SDCCAG8: variants seen among roughly 807,000 people sequenced by gnomAD.
SDCCAG8 encodes SHH signaling and ciliogenesis regulator SDCCAG8, also known as serologically defined colon cancer antigen 8.
In SDCCAG8, 74 loss-of-function variants were observed where a neutral mutation model predicts 101.8. That is an observed-to-expected ratio of 0.73 (90% CI 0.60 to 0.88). The LOEUF (loss-of-function observed/expected upper bound fraction) is 0.88, where lower values mean the gene tolerates loss of function less well. SDCCAG8 is among the 40% of genes least tolerant of loss of function. The probability of loss-of-function intolerance (pLI) is 0.00; values close to 1 mark genes in which losing one functional copy is unlikely to be tolerated. For missense variants in SDCCAG8, 787 were observed against 822.6 expected, an observed-to-expected ratio of 0.96 and a Z score of 0.53; for synonymous variants, 281 against 292.9, an observed-to-expected ratio of 0.96 and a Z score of 0.41.
chr1:243,451,897 C>T (rs1464771544), intron 16 of SDCCAG8, among the ~76,000 whole-genome samples: 1 of 152,190 alleles, frequency 6.6e-6, no homozygotes, highest in Admixed American at 6.5e-5. Flanking sequence ...CCACTGCACT[C>T]CAGCCTGGGC....
rs560988725 is a variant in SDCCAG8 at position 243,398,474 on chromosome 1, T to G, written c.1617-17228T>G. ...GTTGATGACCTGTATTTTAAAGTCA[T>G]CTGCAAAATGTACTTTTTTCTCCCA... On this transcript the variant is annotated intron_variant, in intron 13 of 17. Coordinates refer to ENST00000366541, the MANE Select transcript of SDCCAG8 (RefSeq NM_006642.5). 2.3e-3 allele frequency among the ~76,000 whole-genome samples: 343 copies of G among 152,308 alleles called. 1 individual carries two copies. The highest frequency in any genetic ancestry group is 8.1e-3 in the African/African-American group (336 of 41,576).
chr1:243,354,601 A>G (rs2076282135), intron 12 of SDCCAG8, among the ~76,000 whole-genome samples: 1 of 152,226 alleles, frequency 6.6e-6, no homozygotes. Flanking sequence ...AGACCTGTGA[A>G]AGTAAATCTC....
intron 12 of SDCCAG8, among the ~76,000 whole-genome samples, chr1:243,349,963 C>T (rs2075991558): frequency 6.6e-6 from 1 of 151,764 alleles, no homozygotes; most frequent in Admixed American, 6.6e-5. Flanking sequence ...GGTATCTCTG[C>T]AAAAGAAATA....
chr1:243,430,719 T>A (rs2081686245), intron 16 of SDCCAG8, among the ~76,000 whole-genome samples: 1 of 152,008 alleles, frequency 6.6e-6, no homozygotes, highest in South Asian at 2.1e-4. Flanking sequence ...ATTACAGGCG[T>A]GAGCTACCGC....
At chr1:243,296,306 T>A (rs1173893363) in intron 6 of SDCCAG8, among the ~76,000 whole-genome samples, 1 of 152,150 alleles carries the variant, frequency 6.6e-6, no homozygotes, top group African/African-American at 2.4e-5. Flanking sequence ...AATAGTTTAT[T>A]CTTAGCAGAA....
chr1:243,373,671 A>G (rs2077432966), intron 12 of SDCCAG8, among the ~76,000 whole-genome samples: 1 of 152,064 alleles, frequency 6.6e-6, no homozygotes, highest in Admixed American at 6.6e-5. Flanking sequence ...TCTATTTATG[A>G]TTTTTGCTTA....
Position 243,330,584 on chromosome 1 carries a change from G to C in SDCCAG8, c.1113G>C (p.Gln371His). 1 of 1,614,052 alleles carries C rather than the reference G, an allele frequency of 6.2e-7. No individual in the cohort carries two copies. Among genetic ancestry groups the C allele is most frequent in the Non-Finnish European group, 8.5e-7 (1 of 1,179,990 alleles). ...CDQLRKELER[Q>H]AERLEKELAS... Reference sequence around the variant, plus strand: ...AGTTGAGGAAGGAGCTGGAGAGGCAGGCGGAGCGACTTGAAAAAGAACTTG... The same window carrying C: ...AGTTGAGGAAGGAGCTGGAGAGGCACGCGGAGCGACTTGAAAAAGAACTTG... The change falls in exon 10 of 18, where the codon CAG becomes CAC. Residue 371 changes from glutamine to histidine, a missense_variant. Gln to His is a conservative substitution (Grantham distance 24). Coordinates refer to ENST00000366541, the MANE Select transcript of SDCCAG8 (RefSeq NM_006642.5).
intron 12 of SDCCAG8, among the ~76,000 whole-genome samples, chr1:243,370,438 A>T (rs2077224695): frequency 6.6e-6 from 1 of 152,134 alleles, no homozygotes; most frequent in South Asian, 2.1e-4. Context: ...AGTCTTTATT[A>T]AACCTGTCCC....
chr1:243,291,173 T>G (rs1408226545), intron 5 of SDCCAG8, among the ~76,000 whole-genome samples: 1 of 152,216 alleles, frequency 6.6e-6, no homozygotes, highest in East Asian at 1.9e-4. Context: ...CCTTTGGCCC[T>G]TAGCAAGTGC....
chr1:243,284,721 T>C (rs770880510), intron 4 of SDCCAG8, among the ~76,000 whole-genome samples: 34 of 152,194 alleles, frequency 2.2e-4, no homozygotes, highest in Admixed American at 5.2e-4. Context: ...GCAGGCCTGT[T>C]ACAAGGAATG....
chr1:243,420,505 C>T (rs765995367), intron 15 of SDCCAG8, among the ~76,000 whole-genome samples: 41 of 152,214 alleles, frequency 2.7e-4, no homozygotes, highest in Non-Finnish European at 4.7e-4. Context: ...CAATGAAAGC[C>T]TTTTTAAAAC....
intron 16 of SDCCAG8, among the ~76,000 whole-genome samples, chr1:243,459,379 T>C (rs929526259): frequency 1.3e-5 from 2 of 152,142 alleles, no homozygotes; most frequent in Admixed American, 6.5e-5. Flanking sequence ...GATGGTCCTG[T>C]TGAACCTGGA....
At chr1:243,399,658 C>A (rs892367406) in intron 13 of SDCCAG8, among the ~76,000 whole-genome samples, 6 of 152,064 alleles carry the variant, frequency 3.9e-5, no homozygotes, top group African/African-American at 1.4e-4. Context: ...AGGCGTGCAC[C>A]ATCACACTCG....
At chr1:243,259,811 G>A (rs1426146524) in intron 1 of SDCCAG8, among the ~76,000 whole-genome samples, 1 of 151,992 alleles carries the variant, frequency 6.6e-6, no homozygotes, top group Non-Finnish European at 1.5e-5. Flanking sequence ...CTCCAGCCTG[G>A]GTAACAAGAG....
At chr1:243,360,838 A>G (rs2076668453) in intron 12 of SDCCAG8, among the ~76,000 whole-genome samples, 1 of 151,898 alleles carries the variant, frequency 6.6e-6, no homozygotes, top group South Asian at 2.1e-4. Flanking sequence ...AAACAAAACA[A>G]AACAAAAAAA....
chr1:243,374,458 G>A (rs187443860), intron 12 of SDCCAG8, among the ~76,000 whole-genome samples: 1 of 152,202 alleles, frequency 6.6e-6, no homozygotes, highest in East Asian at 1.9e-4. Context: ...AGAAAAAAAT[G>A]TAAATCATAG....
At position 243,405,482 on chromosome 1, in the gene SDCCAG8, C is replaced by T. The variant is rs12130765; in HGVS notation, c.1617-10220C>T. Among the ~76,000 whole-genome samples, 275 of 152,288 alleles carry T rather than the reference C, an allele frequency of 1.8e-3. 1 individual carries two copies. The highest frequency in any genetic ancestry group is 2.6e-3 in the Non-Finnish European group (175 of 68,024). On this transcript the variant is annotated intron_variant, in intron 13 of 17. Transcript: ENST00000366541. ...ATTATTGAATGCCTTCTGTTTCTAG[C>T]CACTCTATTAAGCCCTTAAAGATCT...
intron 12 of SDCCAG8, among the ~76,000 whole-genome samples, chr1:243,362,983 C>T (rs533222121): frequency 2.0e-5 from 3 of 152,312 alleles, no homozygotes; most frequent in Non-Finnish European, 2.9e-5. Flanking sequence ...TTGGGCCTGT[C>T]GTGTCAGCTT....
intron 12 of SDCCAG8, 32 bp from the exon 13 acceptor site, chr1:243,378,689 A>G (rs747308560): frequency 6.2e-7 from 1 of 1,611,386 alleles, no homozygotes; most frequent in South Asian, 1.1e-5. Flanking sequence ...TGTATTTTAT[A>G]TGGATGCTTT....
Sources: allele counts gnomAD v4.1 joint callset (sites outside exome capture counted in the v4.1 genomes callset), GRCh38; gene constraint gnomAD v4.1.1; transcripts MANE v1.5; gene names NCBI Gene and HGNC (gene_info 2026-07-23, HGNC 2026-07-21).